AFF3: variants seen among roughly 807,000 people sequenced by gnomAD.
The protein encoded by AFF3 is ALF transcription elongation factor 3, also known as AF4/FMR2 family member 3.
A neutral mutation model predicts 129.7 loss-of-function variants in AFF3; 32 were observed. The ratio of observed to expected loss-of-function variants is 0.25; its 90% CI spans 0.19 to 0.33. The LOEUF is 0.33. Among genes scored for constraint, AFF3 ranks in the 10% least tolerant of loss-of-function variants. The pLI is 1.00. For synonymous variants in AFF3, 644 were observed against 635.4 expected (o/e 1.01, Z -0.20); for missense variants, 1,373 against 1,592.0 (o/e 0.86, Z 2.34).
chr2:99,961,936 C>T (rs1025934315), intron 7 of AFF3, among the ~76,000 whole-genome samples: 1 of 152,180 alleles, frequency 6.6e-6, no homozygotes, highest in African/African-American at 2.4e-5. Context: ...ATGAAGCACT[C>T]TCCTACCTCT....
At chr2:99,855,548 A>G (rs1183459667) in intron 7 of AFF3, among the ~76,000 whole-genome samples, 1 of 152,238 alleles carries the variant, frequency 6.6e-6, no homozygotes, top group Non-Finnish European at 1.5e-5. Context: ...AAGCTAGAAC[A>G]AGAAAAGAAT....
intron 7 of AFF3, among the ~76,000 whole-genome samples, chr2:99,954,697 T>C (rs1007393640): frequency 7.2e-6 from 1 of 138,006 alleles, no homozygotes; most frequent in African/African-American, 2.7e-5. Context: ...TTCTCACTCA[T>C]AGGTGGGAAC....
chr2:100,006,962 A>G lies in AFF3; in HGVS notation c.543T>C (p.Pro181=). 1 of 1,613,946 alleles carries G rather than the reference A, an allele frequency of 6.2e-7. No individual in the cohort carries two copies. Among genetic ancestry groups the G allele is most frequent in the Non-Finnish European group, 8.5e-7 (1 of 1,179,892 alleles). The change falls in exon 7 of 25, where the codon CCT becomes CCC. Residue 181 remains proline (P), a synonymous_variant. Coordinates refer to ENST00000672756, the MANE Select transcript of AFF3 (RefSeq NM_001386135.1). ...LLGDGVGRQQ[P]RAKQVCNVEV... is the part of the protein sequence containing the mutation. ...CCACATTGCACACTTGTTTGGCCCG[A>G]GGCTGCTGTCTGCCAACACCATCTC...
At chr2:99,913,000 C>T (rs1015409677) in intron 7 of AFF3, among the ~76,000 whole-genome samples, 3 of 152,154 alleles carry the variant, frequency 2.0e-5, no homozygotes, top group African/African-American at 7.2e-5. Flanking sequence ...TCCCCACTAA[C>T]CCCACACTCC....
rs765786273 is a variant in AFF3 at position 99,565,633 on chromosome 2, A to G, written c.2983-10T>C. The G allele has an allele frequency of 5.0e-6, 8 of 1,613,700 alleles. No homozygotes were observed. The highest frequency in any genetic ancestry group is 6.8e-6 in the Non-Finnish European group (8 of 1,179,632). On this transcript the variant is annotated splice_polypyrimidine_tract_variant and intron_variant, in intron 19 of 24. Coordinates refer to ENST00000672756, the MANE Select transcript of AFF3 (RefSeq NM_001386135.1). ...TTCCAAACTTTTCCACCTGATCAAC[A>G]GAGTTAATACAGTGTCTTCCTAAAC...
chr2:99,780,668 C>A (rs1684332478), intron 8 of AFF3, among the ~76,000 whole-genome samples: 1 of 152,172 alleles, frequency 6.6e-6, no homozygotes. Context: ...CCATTGTCTT[C>A]CCCATCTTAG....
intron 7 of AFF3, among the ~76,000 whole-genome samples, chr2:99,869,429 T>TG (rs1691693424): frequency 1.0e-5 from 1 of 97,940 alleles, no homozygotes; most frequent in Admixed American, 1.2e-4. Flanking sequence ...AGCTGGAGGG[T>TG]GGGGGTGGGA....
intron 8 of AFF3, among the ~76,000 whole-genome samples, chr2:99,825,773 C>G (rs1013683441): frequency 1.3e-5 from 2 of 152,296 alleles, no homozygotes; most frequent in Admixed American, 6.5e-5. Context: ...GCTGCACTCC[C>G]TCCTGTTTCT....
chr2:99,748,766 G>A (rs1010536755), intron 9 of AFF3, among the ~76,000 whole-genome samples: 20 of 152,050 alleles, frequency 1.3e-4, no homozygotes, highest in African/African-American at 1.4e-4. Context: ...AACACAAACC[G>A]TACATATTTA....
intron 24 of AFF3, among the ~76,000 whole-genome samples, chr2:99,552,379 G>A (rs191702873): frequency 6.6e-6 from 1 of 152,310 alleles, no homozygotes; most frequent in African/African-American, 2.4e-5. Flanking sequence ...CACAGAGCAA[G>A]ACTCCGCCTC....
At chr2:99,693,600 C>T (rs1675892241) in intron 11 of AFF3, among the ~76,000 whole-genome samples, 1 of 152,022 alleles carries the variant, frequency 6.6e-6, no homozygotes, top group Non-Finnish European at 1.5e-5. Context: ...ATTTGTAAGT[C>T]TTAGATTTAT....
intron 10 of AFF3, among the ~76,000 whole-genome samples, chr2:99,734,636 T>C (rs1430927067): frequency 6.6e-6 from 1 of 151,946 alleles, no homozygotes; most frequent in African/African-American, 2.4e-5. Flanking sequence ...AATCCTATTT[T>C]TCTTTTAATA....
At chr2:99,683,416 A>G (rs542566820) in intron 11 of AFF3, among the ~76,000 whole-genome samples, 67 of 152,228 alleles carry the variant, frequency 4.4e-4, no homozygotes, top group Middle Eastern at 3.4e-3. Context: ...GACAACAACT[A>G]TGTTACAATT....
rs182386619 is a variant in AFF3 at position 99,964,778 on chromosome 2, C to A, written c.873+41854G>T. On this transcript the variant is annotated intron_variant, in intron 7 of 24. Coordinates refer to ENST00000672756, the MANE Select transcript of AFF3 (RefSeq NM_001386135.1). ...AGGATTTATTCCTAGGACACAAGGG[C>A]AACATAAGGGATCTTTGTGGTCATG... 1.1e-3 allele frequency among the ~76,000 whole-genome samples: 174 copies of A among 152,236 alleles called. 1 individual carries two copies. The highest frequency in any genetic ancestry group is 3.4e-3 in the Middle Eastern group (1 of 294).
intron 4 of AFF3, among the ~76,000 whole-genome samples, chr2:100,017,623 G>A (rs1395167604): frequency 6.6e-6 from 1 of 152,196 alleles, no homozygotes; most frequent in Non-Finnish European, 1.5e-5. Context: ...CTGGGTCTAT[G>A]TCATCCTCCC....
chr2:99,696,063 T>A (rs185837224), intron 11 of AFF3, among the ~76,000 whole-genome samples: 48 of 150,136 alleles, frequency 3.2e-4, no homozygotes, highest in Admixed American at 8.6e-4. Context: ...AAGAAAGACA[T>A]TCACTCCTCA....
At chr2:99,866,843 G>A (rs1396391367) in intron 7 of AFF3, among the ~76,000 whole-genome samples, 2 of 151,578 alleles carry the variant, frequency 1.3e-5, no homozygotes, top group Non-Finnish European at 2.9e-5. Flanking sequence ...GGGTGTGGTG[G>A]CACGCACCTC....
intron 8 of AFF3, among the ~76,000 whole-genome samples, chr2:99,797,251 C>T (rs1490699238): frequency 1.3e-5 from 2 of 152,018 alleles, no homozygotes; most frequent in Non-Finnish European, 2.9e-5. Flanking sequence ...AGAAGATATA[C>T]CAAAGACCCA....
chr2:99,902,709 A>G (rs1445571962), intron 7 of AFF3, among the ~76,000 whole-genome samples: 1 of 152,218 alleles, frequency 6.6e-6, no homozygotes, highest in Non-Finnish European at 1.5e-5. Flanking sequence ...TACTTAAAGC[A>G]GTATTATAAA....
Sources: allele counts gnomAD v4.1 joint callset (sites outside exome capture counted in the v4.1 genomes callset), GRCh38; gene constraint gnomAD v4.1.1; transcripts MANE v1.5; gene names NCBI Gene and HGNC (gene_info 2026-07-23, HGNC 2026-07-21).